CD109: variants seen among roughly 807,000 people sequenced by gnomAD.
CD109 encodes the protein CD109 molecule, also known as CD109 antigen.
In CD109, 149 loss-of-function variants were observed where a neutral mutation model predicts 165.8. That is an observed-to-expected ratio of 0.90 (90% confidence interval 0.79 to 1.03). The LOEUF (loss-of-function observed/expected upper bound fraction) is 1.03. CD109 is among the 50% of genes least tolerant of loss of function. The pLI, the probability that CD109 is intolerant of heterozygous loss-of-function variation, is 0.00. For synonymous variants in CD109, 585 were observed against 592.1 expected (o/e 0.99, Z 0.18); for missense variants, 1,712 against 1,677.8 (o/e 1.02, Z -0.36).
At position 73,824,367 on chromosome 6, in the gene CD109, C is replaced by T. The variant is rs1024728507; in HGVS notation, c.*734C>T. The T allele has an allele frequency of 2.0e-5, 3 of 152,170 alleles. No individual in the cohort carries two copies. The highest frequency in any genetic ancestry group is 7.2e-5 in the African/African-American group (3 of 41,394). The allele number at this position is 152,170 out of a possible 1,614,324, so 9.4% of individuals were successfully genotyped here. ...TGGGGGGTGCTGGGTGTGCTGTCTCCTTCCCACATCCTCAGCCCCACACCA... is the reference window on the plus strand; with the variant it reads ...TGGGGGGTGCTGGGTGTGCTGTCTCTTTCCCACATCCTCAGCCCCACACCA... On this transcript the variant is annotated 3_prime_UTR_variant, in exon 33 of 33. Coordinates refer to ENST00000287097, the MANE Select transcript of CD109 (RefSeq NM_133493.5).
intron 2 of CD109, among the ~76,000 whole-genome samples, chr6:73,710,254 C>A (rs1562023117): frequency 6.6e-6 from 1 of 152,268 alleles, no homozygotes; most frequent in East Asian, 1.9e-4. Flanking sequence ...TCTCAGGATA[C>A]AAAATCAATG....
chr6:73,816,943 A>T (rs892716375), intron 30 of CD109, among the ~76,000 whole-genome samples: 1 of 152,134 alleles, frequency 6.6e-6, no homozygotes, highest in African/African-American at 2.4e-5. Context: ...AAGCATCAGG[A>T]ATCAGGTGGA....
the CD109 span, among the ~76,000 whole-genome samples, chr6:73,682,214 C>T: frequency 6.6e-6 from 1 of 152,194 alleles, no homozygotes; most frequent in African/African-American, 2.4e-5. Context: ...GTCCCTTCTG[C>T]CTCTGAACCT....
chr6:73,711,392 A>G (rs1562023858), intron 2 of CD109, among the ~76,000 whole-genome samples: 1 of 152,090 alleles, frequency 6.6e-6, no homozygotes, highest in Non-Finnish European at 1.5e-5. Context: ...GTAAGGGACC[A>G]AAGGAGATTT....
the CD109 span, among the ~76,000 whole-genome samples, chr6:73,682,441 G>C: frequency 6.6e-6 from 1 of 152,218 alleles, no homozygotes; most frequent in African/African-American, 2.4e-5. Flanking sequence ...AAAGAGGTGG[G>C]TTCCCATGGT....
intron 22 of CD109, among the ~76,000 whole-genome samples, chr6:73,791,190 T>TATATATATATATATACAC (rs1352766740): frequency 3.0e-4 from 4 of 13,536 alleles, no homozygotes; most frequent in African/African-American, 9.3e-4. Flanking sequence ...CACACACACA[T>TATATATATATATATACAC]ACATATATAT....
At chr6:73,751,484 A>G (rs1212167505) in intron 5 of CD109, among the ~76,000 whole-genome samples, 1 of 152,020 alleles carries the variant, frequency 6.6e-6, no homozygotes, top group Non-Finnish European at 1.5e-5. Context: ...CAGGATAGAA[A>G]ACAGTTCCAT....
At chr6:73,782,845 A>C in intron 18 of CD109, 90 bp downstream of exon 18, 1 of 1,219,840 alleles carries the variant, frequency 8.2e-7, no homozygotes, top group East Asian at 2.4e-5. Flanking sequence ...TTTAAGTACA[A>C]ACATAGTGTA....
Position 73,762,396 on chromosome 6 carries a change from G to C in CD109, c.771G>C (p.Gly257=). The C allele has an allele frequency of 6.2e-7, 1 of 1,603,802 alleles. No homozygotes were observed. The highest frequency in any genetic ancestry group is 8.5e-7 in the Non-Finnish European group (1 of 1,171,142). The change falls in exon 8 of 33, where the codon GGG becomes GGC. Residue 257 remains glycine, a synonymous_variant. Coordinates refer to ENST00000287097, the MANE Select transcript of CD109 (RefSeq NM_133493.5). The stretch of plus-strand genomic sequence containing the variant: ...TATAATTATTCAGGTATACATATGG[G>C]AAGCCAGTGAAAGGAGACGTAACGC... ...NGTITAKYTY[G]KPVKGDVTLT...
intron 2 of CD109, among the ~76,000 whole-genome samples, chr6:73,711,919 A>C (rs1232969564): frequency 1.3e-5 from 2 of 152,168 alleles, no homozygotes; most frequent in African/African-American, 4.8e-5. Flanking sequence ...GTAGTGGTGG[A>C]GTCTGGGCTT....
At chr6:73,680,762 G>T in the CD109 span, among the ~76,000 whole-genome samples, 3 of 152,176 alleles carry the variant, frequency 2.0e-5, no homozygotes, top group Admixed American at 2.0e-4. Flanking sequence ...TAGTGATCCA[G>T]TGCTTTCTAC....
intron 2 of CD109, among the ~76,000 whole-genome samples, chr6:73,711,172 G>T (rs543731944): frequency 4.6e-5 from 7 of 152,040 alleles, no homozygotes; most frequent in African/African-American, 1.7e-4. Context: ...TTTTTCATTT[G>T]TACTTAACCT....
chr6:73,810,155 G>C lies in CD109; in HGVS notation c.3527G>C (p.Gly1176Ala). Reference protein sequence around the residue: ...RWLSRQRNSLGGFASTQDTTV... With the variant: ...RWLSRQRNSLAGFASTQDTTV... ...CTAAGCAGGCAAAGAAATAGCTTGGGTGGTTTTGCATCTACTCAGGTGAGA... is the reference window on the plus strand; with the variant it reads ...CTAAGCAGGCAAAGAAATAGCTTGGCTGGTTTTGCATCTACTCAGGTGAGA... The change falls in exon 27 of 33, where the codon GGT (glycine) becomes GCT (alanine). Residue 1176 changes from glycine (G) to alanine (A), a missense_variant. By Grantham distance (60) the Gly-to-Ala change is moderately conservative (BLOSUM62 0). Coordinates refer to ENST00000287097, the MANE Select transcript of CD109 (RefSeq NM_133493.5). 5.6e-6 allele frequency: 9 copies of C among 1,598,988 alleles called. No individual in the cohort carries two copies. The highest frequency in any genetic ancestry group is 7.7e-6 in the Non-Finnish European group (9 of 1,175,058).
intron 23 of CD109, among the ~76,000 whole-genome samples, chr6:73,794,472 A>G (rs1304098472): frequency 6.6e-6 from 1 of 152,196 alleles, no homozygotes; most frequent in Non-Finnish European, 1.5e-5. Context: ...AGGAGGCACC[A>G]AAGGTTAGAA....
intron 27 of CD109, among the ~76,000 whole-genome samples, chr6:73,810,461 C>G (rs970353229): frequency 6.6e-6 from 1 of 151,596 alleles, no homozygotes; most frequent in African/African-American, 2.4e-5. Context: ...AATCAGTTCC[C>G]CATCTGCCAC....
At position 73,781,923 on chromosome 6, in the gene CD109, A is replaced by G. The variant is rs376377253; in HGVS notation, c.1963+604A>G. ...TGCCAAATAGAGTTGGCTGCCAAGTAATAATAAGTGTGCTTTTAGAAAGAC... is the reference window on the plus strand; with the variant it reads ...TGCCAAATAGAGTTGGCTGCCAAGTGATAATAAGTGTGCTTTTAGAAAGAC... On this transcript the variant is annotated intron_variant, in intron 17 of 32. Coordinates refer to ENST00000287097, the MANE Select transcript of CD109 (RefSeq NM_133493.5). Among the ~76,000 whole-genome samples, 247 of 152,292 alleles carry G rather than the reference A, an allele frequency of 1.6e-3. 6 individuals are homozygous for G. In the South Asian group the frequency reaches 0.027, roughly 17 times the overall value.
chr6:73,757,003 C>G (rs1011535572), intron 6 of CD109, among the ~76,000 whole-genome samples: 1 of 152,092 alleles, frequency 6.6e-6, no homozygotes, highest in Non-Finnish European at 1.5e-5. Context: ...TTAACAAATT[C>G]TCTTCCATAT....
intron 23 of CD109, 63 bp downstream of exon 23, chr6:73,792,865 C>G (rs1255573035): frequency 8.4e-7 from 1 of 1,193,224 alleles, no homozygotes; most frequent in African/African-American, 1.5e-5. Flanking sequence ...AGGTAGGGTT[C>G]ATTCTAGACC....
chr6:73,757,159 G>A (rs1773427397), intron 6 of CD109, among the ~76,000 whole-genome samples: 1 of 152,220 alleles, frequency 6.6e-6, no homozygotes, highest in South Asian at 2.1e-4. Context: ...AGAGGAATGA[G>A]AGATGAGACT....
Sources: allele counts gnomAD v4.1 joint callset (sites outside exome capture counted in the v4.1 genomes callset), GRCh38; gene constraint gnomAD v4.1.1; transcripts MANE v1.5; gene names NCBI Gene and HGNC (gene_info 2026-07-23, HGNC 2026-07-21).